Variants in EXD3 observed in about 807,000 individuals in gnomAD.
EXD3 encodes the protein exonuclease 3'-5' domain containing 3, also known as exonuclease mut-7 homolog.
Under a neutral mutation model 98.0 loss-of-function variants are expected in EXD3, and 92 were observed. That is an observed-to-expected ratio of 0.94 (90% CI 0.79 to 1.12). The LOEUF is 1.12. EXD3 is among the 50% of genes most tolerant of loss of function. The pLI, the probability that EXD3 is intolerant of heterozygous loss-of-function variation, is 0.00. For synonymous variants in EXD3, 569 were observed against 526.0 expected (o/e 1.08, Z -1.12); for missense variants, 1,222 against 1,191.6 (o/e 1.03, Z -0.38).
intron 19 of EXD3, among the ~76,000 whole-genome samples, chr9:137,319,105 A>T (rs1831882015): frequency 6.6e-6 from 1 of 152,190 alleles, no homozygotes; most frequent in Non-Finnish European, 1.5e-5. Flanking sequence ...GGAGGCTGTG[A>T]GCCTCAGATC....
chr9:137,388,247 G>C (rs1836709283), intron 2 of EXD3, among the ~76,000 whole-genome samples: 1 of 152,146 alleles, frequency 6.6e-6, no homozygotes, highest in Non-Finnish European at 1.5e-5. Context: ...GGAGGGCTCA[G>C]GAACTCTGTG....
At chr9:137,308,332 CACCCCA>C (rs1831162183) in intron 20 of EXD3, among the ~76,000 whole-genome samples, 1 of 152,180 alleles carries the variant, frequency 6.6e-6, no homozygotes, top group Non-Finnish European at 1.5e-5. Flanking sequence ...ACCACGCCCC[CACCCCA>C]GCCCCAGCTC....
rs548894905 is a variant in EXD3, at chr9:137,351,465, G to A, written c.1237C>T (p.Arg413Trp). The A allele has an allele frequency of 1.7e-5, 27 of 1,601,344 alleles. No homozygotes were observed. In the East Asian group the frequency reaches 4.1e-4, roughly 24 times the overall value. ...ACGGCCACCTGCAGGAGTGACGGCC[G>A]AGGCCGGCCCCCAGCAACAAACACA... ...TPVFVAGGRP[R>W]PSLLQVAVEG... Residue 413 changes from arginine (R) to tryptophan (W), a missense_variant, in exon 13 of 22, where the codon CGG becomes TGG. Arg to Trp is a moderately radical substitution (Grantham distance 101, BLOSUM62 -3). Coordinates refer to ENST00000340951, the MANE Select transcript of EXD3 (RefSeq NM_017820.5).
At chr9:137,328,982 ACTACACGGGG>A (rs1207464597) in intron 17 of EXD3, among the ~76,000 whole-genome samples, 6 of 2,312 alleles carry the variant, frequency 2.6e-3, no homozygotes, top group Admixed American at 6.1e-3. Flanking sequence ...GCTACACGGG[ACTACACGGGG>A]CTACACGGGG....
chr9:137,399,178 T>G (rs773938547), intron 1 of EXD3, among the ~76,000 whole-genome samples: 3 of 152,240 alleles, frequency 2.0e-5, no homozygotes, highest in Non-Finnish European at 4.4e-5. Context: ...GCCCCTCTAC[T>G]GTCTTCTAGC....
chr9:137,313,895 C>T (rs969762532), intron 19 of EXD3, among the ~76,000 whole-genome samples: 1 of 152,216 alleles, frequency 6.6e-6, no homozygotes, highest in Admixed American at 6.5e-5. Context: ...CGAAAGGGTG[C>T]CCAGCACCTT....
At chr9:137,399,644 G>A (rs185093684) in intron 1 of EXD3, among the ~76,000 whole-genome samples, 205 of 152,212 alleles carry the variant, frequency 1.3e-3, no homozygotes, top group African/African-American at 4.7e-3. Flanking sequence ...CCTGAAACTG[G>A]GAACAAAAAG....
chr9:137,307,175 C>G lies in EXD3; in HGVS notation c.2406G>C (p.Pro802=). Residue 802 remains proline, a synonymous_variant, in exon 22 of 22, where the codon CCG becomes CCC. Transcript: ENST00000340951. ...LQMADLRAET[P]DMLADGTRLQ... ...GCCGGGTGCCGTCGGCCAGCATGTC[C>G]GGTGTCTCCGCCCGCAGGTCAGCCA... The G allele has an allele frequency of 6.3e-7, 1 of 1,586,750 alleles. No individual in the cohort carries two copies. Among genetic ancestry groups the G allele is most frequent in the Non-Finnish European group, 8.6e-7 (1 of 1,167,962 alleles).
chr9:137,383,278 T>C (rs1836410571), intron 3 of EXD3, 35 bp downstream of exon 3: 1 of 1,532,276 alleles, frequency 6.5e-7, no homozygotes, highest in Non-Finnish European at 8.8e-7. Flanking sequence ...CTGCTGGCTG[T>C]GACTTGGCAC....
At position 137,349,671 on chromosome 9, in the gene EXD3, A is replaced by C. The variant is rs903692653; in HGVS notation, c.1495-140T>G. 2 of 939,444 alleles carry C rather than the reference A, an allele frequency of 2.1e-6. No homozygotes were observed. The highest frequency in any genetic ancestry group is 3.4e-5 in the African/African-American group (2 of 58,712). The allele number at this position is 939,444 out of a possible 1,614,324, so 58.2% of individuals were successfully genotyped here. ...AGCGGCCCCCACAGCAGAGACGGGG[A>C]GAAGGAGCGGACACATCCGAGGAGA... On this transcript the variant is annotated intron_variant, in intron 14 of 21. Coordinates refer to ENST00000340951, the MANE Select transcript of EXD3 (RefSeq NM_017820.5). This position sits in a 1 kb window ranked among gnomAD's most constrained non-coding sequence, Gnocchi z 7.4.
intron 17 of EXD3, among the ~76,000 whole-genome samples, chr9:137,336,241 C>G (rs1186586771): frequency 6.6e-6 from 1 of 152,150 alleles, no homozygotes; most frequent in Non-Finnish European, 1.5e-5. Flanking sequence ...TTCATCATTA[C>G]ACAATTCATC....
At position 137,403,535 on chromosome 9, in the gene EXD3, G is replaced by A. The variant is rs963751180; in HGVS notation, c.-47-8131C>T. 3.9e-5 allele frequency among the ~76,000 whole-genome samples: 6 copies of A among 152,130 alleles called. No individual in the cohort carries two copies. The highest frequency in any genetic ancestry group is 3.9e-4 in the East Asian group (2 of 5,154). On this transcript the variant is annotated intron_variant, in intron 1 of 21. Transcript: ENST00000340951. The surrounding 1 kb of genome is among the most constrained non-coding windows in gnomAD (Gnocchi z 6.1). Reference sequence around the variant, plus strand: ...CCAGGTCCGTTTCAGCCCTCCAGACGCCCGTACCCAGGAAACCTGGGCCTC... The same window carrying A: ...CCAGGTCCGTTTCAGCCCTCCAGACACCCGTACCCAGGAAACCTGGGCCTC...
At chr9:137,373,128 G>T in intron 4 of EXD3, 56 bp from the exon 5 acceptor site, 1 of 1,504,088 alleles carries the variant, frequency 6.6e-7, no homozygotes. Flanking sequence ...CTGGGCCATG[G>T]GGCCGATTGA....
chr9:137,319,740 C>T (rs1243266092), intron 19 of EXD3, among the ~76,000 whole-genome samples: 1 of 152,214 alleles, frequency 6.6e-6, no homozygotes, highest in Non-Finnish European at 1.5e-5. Context: ...TCCATTCTCC[C>T]ACCTGGTGAC....
intron 11 of EXD3, 75 bp from the exon 12 acceptor site, chr9:137,352,276 G>A: frequency 1.3e-6 from 2 of 1,584,808 alleles, no homozygotes; most frequent in Admixed American, 1.7e-5. Flanking sequence ...CAGGAGGGGA[G>A]CATTCAGGGC....
chr9:137,373,374 T>A, intron 4 of EXD3, 52 bp downstream of exon 4: 1 of 1,582,842 alleles, frequency 6.3e-7, no homozygotes, highest in South Asian at 1.1e-5. Flanking sequence ...TCCACTATGC[T>A]GAGGGGCAGG....
chr9:137,332,378 AGGAGATCGAGACCAG>A (rs1423936707), intron 17 of EXD3, among the ~76,000 whole-genome samples: 1 of 152,006 alleles, frequency 6.6e-6, no homozygotes, highest in Non-Finnish European at 1.5e-5. Context: ...TCACAAGGTC[AGGAGATCGAGACCAG>A]CCTGGCCGAC....
rs564484611 is a variant in EXD3, at chr9:137,415,135, A to G, written c.-48+7979T>C. Among the ~76,000 whole-genome samples, 22 of 150,966 alleles carry G rather than the reference A, an allele frequency of 1.5e-4. No homozygotes were observed. In the East Asian group the frequency reaches 4.3e-3, roughly 30 times the overall value. On this transcript the variant is annotated intron_variant, in intron 1 of 21. Transcript: ENST00000340951. ...ACTCCTGACCACAAGCAATCCGCCC[A>G]CCTCGGCCTCTCAAAATGCTGGGAT...
At position 137,407,388 on chromosome 9, in the gene EXD3, T is replaced by C. The variant is rs879455583; in HGVS notation, c.-47-11984A>G. On this transcript the variant is annotated intron_variant, in intron 1 of 21. Transcript: ENST00000340951. The surrounding 1 kb of genome is among the most constrained non-coding windows in gnomAD (Gnocchi z 4.4). The stretch of plus-strand genomic sequence containing the variant: ...TGCTCCCCCGCGAAGCCCACCCACC[T>C]GAGGTCCTGGCCCCCAAGGGGCCAT... Among the ~76,000 whole-genome samples, 1 of 152,212 alleles carries C rather than the reference T, an allele frequency of 6.6e-6. No individual in the cohort carries two copies. The highest frequency in any genetic ancestry group is 2.4e-5 in the African/African-American group (1 of 41,462).
Sources: gnomAD v4.1 joint callset for allele counts (sites outside exome capture counted in the v4.1 genomes callset) on GRCh38, gnomAD v4.1.1 for gene constraint, Gnocchi (gnomAD v3.1) non-coding constraint, MANE v1.5 for transcripts, NCBI Gene and HGNC (gene_info 2026-07-23, HGNC 2026-07-21) for gene names.